The following KIAA1549 variants were observed in gnomAD, a reference collection of about 807,000 sequenced individuals.
The protein encoded by KIAA1549 is UPF0606 protein KIAA1549.
In KIAA1549, 70 loss-of-function variants were observed where a neutral mutation model predicts 156.4. The observed-to-expected ratio is 0.45, with a 90% CI of 0.37 to 0.55. The LOEUF is 0.55. KIAA1549 is among the 20% of genes least tolerant of loss of function. The pLI is 0.00. For synonymous variants in KIAA1549, 1,103 were observed against 1,066.4 expected, an observed-to-expected ratio of 1.03 and a Z score of -0.67; for missense variants, 2,428 against 2,540.9, an observed-to-expected ratio of 0.96 and a Z score of 0.96.
chr7:138,839,856 C>T (rs1254456973), intron 19 of KIAA1549, among the ~76,000 whole-genome samples: 2 of 129,972 alleles, frequency 1.5e-5, no homozygotes, highest in Non-Finnish European at 3.1e-5. Context: ...GGCACGATCT[C>T]GGCTTAGTGC....
intron 1 of KIAA1549, among the ~76,000 whole-genome samples, chr7:138,946,793 T>A (rs1813350165): frequency 6.6e-6 from 1 of 152,092 alleles, no homozygotes; most frequent in East Asian, 1.9e-4. Context: ...TTTTTTGGAA[T>A]CCCTGACTCC....
At chr7:138,941,721 T>G (rs139335434) in intron 1 of KIAA1549, among the ~76,000 whole-genome samples, 2 of 152,122 alleles carry the variant, frequency 1.3e-5, no homozygotes, top group East Asian at 3.9e-4. Context: ...TACCTACACT[T>G]CCCCCTGGGT....
In KIAA1549 at chr7:138,907,109, GA is replaced by G. The variant is rs1448708672; in HGVS notation, c.3277-8del. 1.9e-6 allele frequency: 3 copies of G among 1,566,950 alleles called. No individual in the cohort carries two copies. The highest frequency in any genetic ancestry group is 2.0e-5 in the Admixed American group (1 of 50,486). ...TGATGGTGATATTCAAGATCTGAAA[GA>G]ATAAAGTCAGAATAAGCTTCTATAA... On this transcript the variant is annotated splice_polypyrimidine_tract_variant and splice_region_variant and intron_variant, in intron 5 of 19. Coordinates refer to ENST00000422774, the MANE Select transcript of KIAA1549 (RefSeq NM_001164665.2).
intron 19 of KIAA1549, among the ~76,000 whole-genome samples, chr7:138,839,154 ATTCT>A: frequency 1.3e-5 from 2 of 152,352 alleles, no homozygotes; most frequent in Middle Eastern, 6.8e-3. Context: ...GAAGCACCTT[ATTCT>A]AAAGTTAATG....
chr7:138,981,137 G>A lies in KIAA1549; in HGVS notation c.133C>T (p.Leu45=). The change falls in exon 1 of 20, where the codon CTG becomes TTG. Residue 45 remains leucine, a synonymous_variant. Coordinates refer to ENST00000422774, the MANE Select transcript of KIAA1549 (RefSeq NM_001164665.2). This position sits in a 1 kb window ranked among gnomAD's most constrained non-coding sequence, Gnocchi z 4.5. The stretch of plus-strand genomic sequence containing the variant: ...AGCAGCAGCCAGAGGCCAGGAAGCA[G>A]CAGCCCCGGGCGGCGGCGGCGGGCG... ...RCARRRRPGL[L]LPGLWLLLLA... The A allele has an allele frequency of 8.2e-7, 1 of 1,215,088 alleles. No individual in the cohort carries two copies. Among genetic ancestry groups the A allele is most frequent in the East Asian group, 3.2e-5 (1 of 30,770 alleles). 75.3% of individuals were successfully genotyped at this position (1,215,088 alleles called of 1,614,324 possible).
rs1811767151 is a variant in KIAA1549 at position 138,899,001 on chromosome 7, T to C, written c.3801A>G (p.Arg1267=). 4 of 1,613,828 alleles carry C rather than the reference T, an allele frequency of 2.5e-6. No individual in the cohort carries two copies. The highest frequency in any genetic ancestry group is 3.4e-6 in the Non-Finnish European group (4 of 1,179,754). Residue 1267 remains arginine, a synonymous_variant, in exon 9 of 20, where the codon AGA becomes AGG. Transcript: ENST00000422774. The part of the protein sequence containing the change: ...SDLINKMDLQ[R]AAIILGYRIQ... ...TTCGGTAACCCAAGATGATGGCTGC[T>C]CTCTGGAGGTCCATTTTGTTAATCA...
chr7:138,944,520 C>T (rs1813285200), intron 1 of KIAA1549, among the ~76,000 whole-genome samples: 1 of 152,122 alleles, frequency 6.6e-6, no homozygotes, highest in African/African-American at 2.4e-5. Flanking sequence ...AGAATTATCA[C>T]ACAACCCACT....
At chr7:138,975,107 C>T (rs1264349243) in intron 1 of KIAA1549, among the ~76,000 whole-genome samples, 1 of 152,064 alleles carries the variant, frequency 6.6e-6, no homozygotes, top group East Asian at 1.9e-4. Flanking sequence ...TAACAAGCTA[C>T]GAGGCAGTGG....
At chr7:138,973,562 C>G (rs1814283633) in intron 1 of KIAA1549, among the ~76,000 whole-genome samples, 1 of 152,232 alleles carries the variant, frequency 6.6e-6, no homozygotes, top group African/African-American at 2.4e-5. Context: ...CTGTCCTCAG[C>G]TGCCTTGTCT....
chr7:138,925,634 C>T (rs1020910577), intron 1 of KIAA1549, among the ~76,000 whole-genome samples: 1 of 151,872 alleles, frequency 6.6e-6, no homozygotes, highest in African/African-American at 2.4e-5. Context: ...TGGAGTTCAC[C>T]AGTCTGGGCA....
chr7:138,899,570 T>C (rs550552316), intron 8 of KIAA1549, among the ~76,000 whole-genome samples: 79 of 152,300 alleles, frequency 5.2e-4, no homozygotes, highest in African/African-American at 1.8e-3. Context: ...TATTGGTATT[T>C]CCTCCTCATT....
At chr7:138,955,050 T>C (rs1813621098) in intron 1 of KIAA1549, among the ~76,000 whole-genome samples, 1 of 152,206 alleles carries the variant, frequency 6.6e-6, no homozygotes, top group Non-Finnish European at 1.5e-5. Flanking sequence ...CTACTGGCTC[T>C]GCCATGTCTT....
At chr7:138,840,325 T>G in intron 18 of KIAA1549, 47 bp from the exon 19 acceptor site, 4 of 1,558,942 alleles carry the variant, frequency 2.6e-6, no homozygotes, top group South Asian at 1.2e-5. Context: ...TATAGGAGAG[T>G]ATGGCTGCTG....
rs1304303307 is a variant in KIAA1549, at chr7:138,882,559, G to A, written c.4033-975C>T. On this transcript the variant is annotated intron_variant, in intron 10 of 19. Transcript: ENST00000422774. ...CTTCAAGAACCACCCACATAAAGGA[G>A]ACAGGTAGGGGAGCTGAGTTTTTCA... Among the ~76,000 whole-genome samples the A allele has an allele frequency of 3.3e-5, 5 of 152,306 alleles. No individual in the cohort carries two copies. The East Asian group carries it at 9.6e-4, about 29-fold the overall frequency.
intron 10 of KIAA1549, among the ~76,000 whole-genome samples, chr7:138,884,179 C>T (rs774486973): frequency 1.3e-5 from 2 of 152,220 alleles, no homozygotes; most frequent in Non-Finnish European, 2.9e-5. Context: ...TTCTGGAAGG[C>T]TGAACACTGT....
rs116567413 is a variant in KIAA1549 at position 138,866,539 on chromosome 7, G to T, written c.4929+1436C>A. 5.9e-3 allele frequency among the ~76,000 whole-genome samples: 897 copies of T among 152,254 alleles called. 8 individuals are homozygous for T. Among genetic ancestry groups the T allele is most frequent in the African/African-American group, 0.02 (848 of 41,544 alleles). On this transcript the variant is annotated intron_variant, in intron 15 of 19. Transcript: ENST00000422774. ...TGTGAGTGCCTCCAGGAGGTGAAAG[G>T]GGCCTGCTGCAGCAAGGCAGGGCTC...
chr7:138,950,262 A>C (rs1813456405), intron 1 of KIAA1549, among the ~76,000 whole-genome samples: 3 of 152,210 alleles, frequency 2.0e-5, no homozygotes. Flanking sequence ...AATCGTAAAA[A>C]ATTTCAGAAT....
chr7:138,942,648 C>T (rs1351938583), intron 1 of KIAA1549, among the ~76,000 whole-genome samples: 2 of 152,158 alleles, frequency 1.3e-5, no homozygotes, highest in Admixed American at 6.5e-5. Flanking sequence ...CGGTGACTCA[C>T]GCCTGTAATC....
chr7:138,881,381 T>A lies in KIAA1549; in HGVS notation c.4229+7A>T. The A allele has an allele frequency of 6.2e-7, 1 of 1,611,198 alleles. No homozygotes were observed. The highest frequency in any genetic ancestry group is 8.5e-7 in the Non-Finnish European group (1 of 1,178,900). The stretch of plus-strand genomic sequence containing the variant: ...ACAAAGAATAATACAGAAAGCCCAA[T>A]AATAACCTTCCTCTGTGACGAACAT... On this transcript the variant is annotated splice_region_variant and intron_variant, in intron 11 of 19. Coordinates refer to ENST00000422774, the MANE Select transcript of KIAA1549 (RefSeq NM_001164665.2).
Sources: gnomAD v4.1 joint callset for allele counts (sites outside exome capture counted in the v4.1 genomes callset) on GRCh38, gnomAD v4.1.1 for gene constraint, Gnocchi (gnomAD v3.1) non-coding constraint, MANE v1.5 for transcripts, NCBI Gene and HGNC (gene_info 2026-07-23, HGNC 2026-07-21) for gene names.